BAZ2B: variants seen among roughly 807,000 people sequenced by gnomAD.
BAZ2B encodes the protein bromodomain adjacent to zinc finger domain 2B, also known as bromodomain adjacent to zinc finger domain protein 2B.
A neutral mutation model predicts 246.0 loss-of-function variants in BAZ2B; 91 were observed. The ratio of observed to expected loss-of-function variants is 0.37; its 90% CI spans 0.31 to 0.44. The LOEUF (loss-of-function observed/expected upper bound fraction) is 0.44, where lower values mean the gene tolerates loss of function less well. BAZ2B is among the 20% of genes least tolerant of loss of function. The pLI is 1.00. For synonymous variants in BAZ2B, 855 were observed against 860.0 expected, an observed-to-expected ratio of 0.99 and a Z score of 0.10; for missense variants, 2,332 against 2,533.7, an observed-to-expected ratio of 0.92 and a Z score of 1.71.
chr2:159,551,708 C>A (rs7589529), intron 2 of BAZ2B, among the ~76,000 whole-genome samples: 3 of 151,952 alleles, frequency 2.0e-5, no homozygotes, highest in Non-Finnish European at 4.4e-5. Context: ...TATTTAGACA[C>A]CTTTAATCAA....
intron 8 of BAZ2B, among the ~76,000 whole-genome samples, chr2:159,436,986 C>T (rs2072474546): frequency 6.6e-6 from 1 of 152,062 alleles, no homozygotes; most frequent in South Asian, 2.1e-4. Flanking sequence ...GAAGGTAGTA[C>T]CTTTTAGAGT....
chr2:159,589,345 G>A (rs1688764829), intron 1 of BAZ2B, among the ~76,000 whole-genome samples: 1 of 151,870 alleles, frequency 6.6e-6, no homozygotes, highest in Admixed American at 6.6e-5. Context: ...TAAAAAATGA[G>A]GGGGCTTTAA....
chr2:159,359,299 CA>C (rs1233149121), intron 27 of BAZ2B, among the ~76,000 whole-genome samples: 4 of 152,154 alleles, frequency 2.6e-5, no homozygotes, highest in Non-Finnish European at 4.4e-5. Flanking sequence ...CACAGAAATA[CA>C]AACTACCATC....
chr2:159,532,523 C>T (rs560577142), intron 2 of BAZ2B, among the ~76,000 whole-genome samples: 48 of 152,256 alleles, frequency 3.2e-4, no homozygotes, highest in African/African-American at 1.1e-3. Context: ...CATGAACAAG[C>T]ATCTAAAAAG....
At chr2:159,568,887 T>G (rs1332449543) in intron 1 of BAZ2B, among the ~76,000 whole-genome samples, 1 of 152,206 alleles carries the variant, frequency 6.6e-6, no homozygotes, top group Non-Finnish European at 1.5e-5. Flanking sequence ...AATATCTAAA[T>G]TTGATTAGGC....
intron 1 of BAZ2B, among the ~76,000 whole-genome samples, chr2:159,576,731 G>C (rs1382745377): frequency 6.7e-6 from 1 of 149,428 alleles, no homozygotes; most frequent in Non-Finnish European, 1.5e-5. Flanking sequence ...GGCTAACATG[G>C]TGAAACCCCG....
At chr2:159,678,383 A>G in the BAZ2B span, among the ~76,000 whole-genome samples, 1 of 152,234 alleles carries the variant, frequency 6.6e-6, no homozygotes, top group African/African-American at 2.4e-5. Flanking sequence ...ACTAAATACC[A>G]ATCCCAAGTG....
chr2:159,551,617 A>C (rs989822761), intron 2 of BAZ2B, among the ~76,000 whole-genome samples: 1 of 152,192 alleles, frequency 6.6e-6, no homozygotes, highest in South Asian at 2.1e-4. Flanking sequence ...AACTGCAAAA[A>C]TACGCTCAGA....
chr2:159,402,813 C>T (rs181103590), intron 16 of BAZ2B, among the ~76,000 whole-genome samples: 260 of 152,240 alleles, frequency 1.7e-3, no homozygotes, highest in African/African-American at 6.1e-3. Context: ...TGCAGATAAA[C>T]ATGGTAAATT....
intron 2 of BAZ2B, among the ~76,000 whole-genome samples, chr2:159,505,364 T>C (rs2082222943): frequency 6.6e-6 from 1 of 152,178 alleles, no homozygotes; most frequent in Non-Finnish European, 1.5e-5. Context: ...TATATAAATC[T>C]GTGACAAGGC....
chr2:159,506,579 C>T (rs556435057), intron 2 of BAZ2B, among the ~76,000 whole-genome samples: 7 of 152,200 alleles, frequency 4.6e-5, no homozygotes, highest in Non-Finnish European at 7.4e-5. Flanking sequence ...AGAACCAGAT[C>T]GGCCCAGTCC....
Position 159,382,646 on chromosome 2 carries a change from G to A in BAZ2B, c.3918C>T (p.Asp1306=). 1 of 1,588,568 alleles carries A rather than the reference G, an allele frequency of 6.3e-7. No individual in the cohort carries two copies. The highest frequency in any genetic ancestry group is 8.6e-7 in the Non-Finnish European group (1 of 1,164,956). ...CATCTTCATCCCCTTGGTCATCACT[G>A]TCATCGTCATCATCATCGTCATAAT... ...DSDYDDDDDD[D]SDDQGDEDDE... is the part of the protein sequence containing the mutation. The change falls in exon 25 of 37, where the codon GAC becomes GAT. Residue 1306 remains aspartate, a synonymous_variant. Coordinates refer to ENST00000392783, the MANE Select transcript of BAZ2B (RefSeq NM_013450.4).
intron 25 of BAZ2B, 145 bp downstream of exon 25, chr2:159,382,414 G>T: frequency 1.2e-6 from 1 of 850,742 alleles, no homozygotes; most frequent in Non-Finnish European, 1.8e-6. Flanking sequence ...GATACAGATT[G>T]TAATATTTGT....
At chr2:159,354,352 A>AT (rs551773667) in intron 27 of BAZ2B, among the ~76,000 whole-genome samples, 3,112 of 151,880 alleles carry the variant, frequency 0.02, 115 homozygotes, top group African/African-American at 0.07. Context: ...AATTAAAAAA[A>AT]ATATATATAT....
intron 3 of BAZ2B, chr2:159,462,430 A>T: frequency 8.1e-7 from 1 of 1,240,558 alleles, no homozygotes; most frequent in Non-Finnish European, 1.2e-6. Context: ...GTTGTAGCTG[A>T]GTAATCTTGT....
At chr2:159,492,974 A>G (rs1373949789) in intron 2 of BAZ2B, among the ~76,000 whole-genome samples, 1 of 152,220 alleles carries the variant, frequency 6.6e-6, no homozygotes, top group Non-Finnish European at 1.5e-5. Flanking sequence ...TAATAATACA[A>G]TTACTGAAAA....
At chr2:159,676,977 T>C in the BAZ2B span, among the ~76,000 whole-genome samples, 2 of 132,576 alleles carry the variant, frequency 1.5e-5, no homozygotes, top group African/African-American at 2.7e-5. Flanking sequence ...TATATATATA[T>C]ATATATATAT....
intron 3 of BAZ2B, chr2:159,459,266 TATC>T (rs2076143720): frequency 6.6e-6 from 1 of 152,230 alleles, no homozygotes; most frequent in Non-Finnish European, 1.5e-5. Context: ...AGCAAACTGT[TATC>T]AGTTGGCAGA....
At chr2:159,568,713 G>C (rs954372238) in intron 1 of BAZ2B, among the ~76,000 whole-genome samples, 2 of 152,156 alleles carry the variant, frequency 1.3e-5, no homozygotes, top group African/African-American at 4.8e-5. Flanking sequence ...GGGAATAGAA[G>C]ATACTGATAC....
Sources: gnomAD v4.1 joint callset for allele counts (sites outside exome capture counted in the v4.1 genomes callset) on GRCh38, gnomAD v4.1.1 for gene constraint, MANE v1.5 for transcripts, NCBI Gene and HGNC (gene_info 2026-07-23, HGNC 2026-07-21) for gene names.